CEBPA: variants seen among roughly 807,000 people sequenced by gnomAD.
CEBPA encodes the protein CCAAT enhancer binding protein alpha.
In CEBPA, 2 loss-of-function variants were observed where a neutral mutation model predicts 5.1. That is an observed-to-expected ratio of 0.39 (90% confidence interval 0.16 to 1.23). The LOEUF (loss-of-function observed/expected upper bound fraction) is 1.23. CEBPA is among the 50% of genes most tolerant of loss of function. The pLI is 0.34. For missense variants in CEBPA, 455 were observed against 537.4 expected (o/e 0.85, Z 1.52); for synonymous variants, 275 against 264.1 (o/e 1.04, Z -0.40).
chr19:33,300,115 G>C lies in CEBPA; in HGVS notation c.*1223C>G. 1 of 233,378 alleles carries C rather than the reference G, an allele frequency of 4.3e-6. No individual in the cohort carries two copies. The highest frequency in any genetic ancestry group is 8.5e-6 in the Non-Finnish European group (1 of 118,072). The allele number at this position is 233,378 out of a possible 1,614,324, so 14.5% of individuals were successfully genotyped here. A position where few individuals can be genotyped will look rare whatever the true frequency, so the allele number is the denominator to read the frequency against. On this transcript the variant is annotated 3_prime_UTR_variant, in exon 1 of 1. Transcript: ENST00000498907. ...AGGGCCTCTGGGGGACAAGCCTTGT[G>C]GGCAGCCCAGGCCGGAGGGGCTGGG...
chr19:33,301,811 CCAGGTGCGCGGGCGGCGGGTGCGGGTG>C lies in CEBPA; in HGVS notation c.577_603del (p.His193_Leu201del). 1.6e-6 allele frequency: 2 copies of C among 1,249,080 alleles called. No homozygotes were observed. Among genetic ancestry groups the C allele is most frequent in the Admixed American group, 4.4e-5 (1 of 22,888 alleles). The allele number at this position is 1,249,080 out of a possible 1,614,324, so 77.4% of individuals were successfully genotyped here. On this transcript the variant is annotated inframe_deletion, in exon 1 of 1. Transcript: ENST00000498907. The surrounding 1 kb of genome is among the most constrained non-coding windows in gnomAD (Gnocchi z 6.0). ...ATCTGGAACTGCAGGTGCGGGGCGG[CCAGGTGCGCGGGCGGCGGGTGCGGGTG>C]CGGGTGCGAGGGCGGCGGCGGCGGC...
rs1568419736 is a variant in CEBPA at position 33,301,822 on chromosome 19, G to A, written c.593C>T (p.Pro198Leu). The A allele has an allele frequency of 1.6e-6, 2 of 1,263,662 alleles. No homozygotes were observed. The highest frequency in any genetic ancestry group is 9.9e-7 in the Non-Finnish European group (1 of 1,006,924). The allele number at this position is 1,263,662 out of a possible 1,614,324, so 78.3% of individuals were successfully genotyped here. The change falls in exon 1 of 1, where the codon CCC becomes CTC. Residue 198 changes from proline (P) to leucine (L), a missense_variant. By Grantham distance (98) the Pro-to-Leu change is moderately conservative. Around this residue, in one of 5 missense-constraint regions of CEBPA, gnomAD observed 141 missense variants for 124.1 expected, o/e 1.14. Coordinates refer to ENST00000498907, the MANE Select transcript of CEBPA (RefSeq NM_004364.5). This position sits in a 1 kb window ranked among gnomAD's most constrained non-coding sequence, Gnocchi z 6.0. Reference sequence around the variant, plus strand: ...CAGGTGCGGGGCGGCCAGGTGCGCGGGCGGCGGGTGCGGGTGCGGGTGCGA... The same window carrying A: ...CAGGTGCGGGGCGGCCAGGTGCGCGAGCGGCGGGTGCGGGTGCGGGTGCGA... ...PPSHPHPHPP[P>L]AHLAAPHLQF...
In CEBPA at chr19:33,302,058, G is replaced by A. The variant is rs1600023390; in HGVS notation, c.357C>T (p.Val119=). The change falls in exon 1 of 1, where the codon GTC becomes GTT. Residue 119 remains valine, a synonymous_variant. Transcript: ENST00000498907. ...GGGGCCCGTGCGCTCCCCCGGGCAT[G>A]ACGGCGCCGCCGGGGCCCGCGGGCG... The part of the protein sequence containing the change: ...PGAPAGPGGA[V]MPGGAHGPPP... The A allele has an allele frequency of 1.6e-6, 2 of 1,214,700 alleles. No homozygotes were observed. Among genetic ancestry groups the A allele is most frequent in the African/African-American group, 1.6e-5 (1 of 62,566 alleles). The allele number at this position is 1,214,700 out of a possible 1,614,324, so 75.2% of individuals were successfully genotyped here. A position where few individuals can be genotyped will look rare whatever the true frequency, so the allele number is the denominator to read the frequency against.
rs991316142 is a variant in CEBPA, at chr19:33,301,252, G to A, written c.*86C>T. ...CTCCTAGTCCTGGCTCGCACGGCTCGGGCAAGCCTCGAGATCCGGCGACCC... is the reference window on the plus strand; with the variant it reads ...CTCCTAGTCCTGGCTCGCACGGCTCAGGCAAGCCTCGAGATCCGGCGACCC... On this transcript the variant is annotated 3_prime_UTR_variant, in exon 1 of 1. Coordinates refer to ENST00000498907, the MANE Select transcript of CEBPA (RefSeq NM_004364.5). The surrounding 1 kb of genome is among the most constrained non-coding windows in gnomAD (Gnocchi z 6.0). 9 of 1,484,332 alleles carry A rather than the reference G, an allele frequency of 6.1e-6. No individual in the cohort carries two copies. The highest frequency in any genetic ancestry group is 4.3e-5 in the Admixed American group (2 of 46,066). The allele number at this position is 1,484,332 out of a possible 1,614,324, so 91.9% of individuals were successfully genotyped here.
In CEBPA at chr19:33,302,079, G is replaced by C; in HGVS notation, c.336C>G (p.Pro112=). Residue 112 remains proline, a synonymous_variant, in exon 1 of 1, where the codon CCC becomes CCG. Coordinates refer to ENST00000498907, the MANE Select transcript of CEBPA (RefSeq NM_004364.5). ...GGGDFDYPGA[P]AGPGGAVMPG... ...GCATGACGGCGCCGCCGGGGCCCGCGGGCGCGCCCGGGTAGTCAAAGTCGC... is the reference window on the plus strand; with the variant it reads ...GCATGACGGCGCCGCCGGGGCCCGCCGGCGCGCCCGGGTAGTCAAAGTCGC... 8.0e-7 allele frequency: 1 copy of C among 1,249,264 alleles called. No homozygotes were observed. The highest frequency in any genetic ancestry group is 1.0e-6 in the Non-Finnish European group (1 of 991,500). The allele number at this position is 1,249,264 out of a possible 1,614,324, so 77.4% of individuals were successfully genotyped here.
In CEBPA at chr19:33,302,480, G is replaced by A. The variant is rs978574158; in HGVS notation, c.-66C>T. On this transcript the variant is annotated 5_prime_UTR_variant, in exon 1 of 1. Coordinates refer to ENST00000498907, the MANE Select transcript of CEBPA (RefSeq NM_004364.5). Reference sequence around the variant, plus strand: ...CCTCCAGCCTGCGCGGGGCGTCGCCGCCGCCCACCCGGAGACCCTGCTCGC... The same window carrying A: ...CCTCCAGCCTGCGCGGGGCGTCGCCACCGCCCACCCGGAGACCCTGCTCGC... 8 of 1,089,762 alleles carry A rather than the reference G, an allele frequency of 7.3e-6. No individual in the cohort carries two copies. The highest frequency in any genetic ancestry group is 8.7e-5 in the Admixed American group (2 of 22,950). The allele number at this position is 1,089,762 out of a possible 1,614,324, so 67.5% of individuals were successfully genotyped here.
chr19:33,301,193 C>A lies in CEBPA; in HGVS notation c.*145G>T, dbSNP rs187751931. On this transcript the variant is annotated 3_prime_UTR_variant, in exon 1 of 1. Coordinates refer to ENST00000498907, the MANE Select transcript of CEBPA (RefSeq NM_004364.5). This position sits in a 1 kb window ranked among gnomAD's most constrained non-coding sequence, Gnocchi z 6.0. ...GGCGCAGAGGAAGGGAGGGGACACG[C>A]GGAGCAGGCCAGGCTTTCAGGAGGC... 5.6e-5 allele frequency: 75 copies of A among 1,341,646 alleles called. No individual in the cohort carries two copies. In the African/African-American group the frequency reaches 1.0e-3, roughly 18 times the overall value. 83.1% of individuals were successfully genotyped at this position (1,341,646 alleles called of 1,614,324 possible).
At position 33,301,310 on chromosome 19, in the gene CEBPA, G is replaced by C. The variant is rs750194212; in HGVS notation, c.*28C>G. 1 of 1,563,542 alleles carries C rather than the reference G, an allele frequency of 6.4e-7. No individual in the cohort carries two copies. Among genetic ancestry groups the C allele is most frequent in the Admixed American group, 1.8e-5 (1 of 54,104 alleles). ...CTCCCTGGGTCCCCGCCGGAGGCTG[G>C]CCCAGGGCGGTCCCACAGCCGCGCG... On this transcript the variant is annotated 3_prime_UTR_variant, in exon 1 of 1. Transcript: ENST00000498907. The surrounding 1 kb of genome is among the most constrained non-coding windows in gnomAD (Gnocchi z 6.0).
Position 33,301,400 on chromosome 19 carries a change from G to T in CEBPA, c.1015C>A (p.Arg339=). Residue 339 remains arginine, a synonymous_variant, in exon 1 of 1, where the codon CGG becomes AGG. Coordinates refer to ENST00000498907, the MANE Select transcript of CEBPA (RefSeq NM_004364.5). This position sits in a 1 kb window ranked among gnomAD's most constrained non-coding sequence, Gnocchi z 6.0. ...EQLSRELDTL[R]GIFRQLPESS... ...TCTGGCAGCTGGCGGAAGATGCCCCGCAGCGTGTCCAGTTCGCGGCTCAGC... is the reference window on the plus strand; with the variant it reads ...TCTGGCAGCTGGCGGAAGATGCCCCTCAGCGTGTCCAGTTCGCGGCTCAGC... 6.2e-7 allele frequency: 1 copy of T among 1,610,348 alleles called. No individual in the cohort carries two copies. Among genetic ancestry groups the T allele is most frequent in the South Asian group, 1.1e-5 (1 of 91,016 alleles).
Position 33,301,393 on chromosome 19 carries a change from A to G in CEBPA, c.1022T>C (p.Ile341Thr). Residue 341 changes from isoleucine (I) to threonine (T), a missense_variant, in exon 1 of 1, where the codon ATC becomes ACC. Coordinates refer to ENST00000498907, the MANE Select transcript of CEBPA (RefSeq NM_004364.5). The surrounding 1 kb of genome is among the most constrained non-coding windows in gnomAD (Gnocchi z 6.0). ...LSRELDTLRGIFRQLPESSLV... is the reference protein window; with the variant it reads ...LSRELDTLRGTFRQLPESSLV... ...GGAGCTCTCTGGCAGCTGGCGGAAG[A>G]TGCCCCGCAGCGTGTCCAGTTCGCG... 1 of 1,609,878 alleles carries G rather than the reference A, an allele frequency of 6.2e-7. No individual in the cohort carries two copies. Among genetic ancestry groups the G allele is most frequent in the Non-Finnish European group, 8.5e-7 (1 of 1,179,588 alleles).
chr19:33,301,801 TGCGGGGCGGCCAGGTGC>T lies in CEBPA; in HGVS notation c.597_613del (p.His200ProfsTer115). 1 of 1,236,304 alleles carries T rather than the reference TGCGGGGCGGCCAGGTGC, an allele frequency of 8.1e-7. No individual in the cohort carries two copies. The highest frequency in any genetic ancestry group is 2.7e-5 in the South Asian group (1 of 36,504). The allele number at this position is 1,236,304 out of a possible 1,614,324, so 76.6% of individuals were successfully genotyped here. A position where few individuals can be genotyped will look rare whatever the true frequency, so the allele number is the denominator to read the frequency against. On this transcript the variant is annotated frameshift_variant, in exon 1 of 1. Coordinates refer to ENST00000498907, the MANE Select transcript of CEBPA (RefSeq NM_004364.5). LOFTEE classifies it low-confidence loss of function (END_TRUNC). This position sits in a 1 kb window ranked among gnomAD's most constrained non-coding sequence, Gnocchi z 6.0. ...GCAGTGCGCGATCTGGAACTGCAGG[TGCGGGGCGGCCAGGTGC>T]GCGGGCGGCGGGTGCGGGTGCGGGT...
rs1181818523 is a variant in CEBPA, at chr19:33,301,380, C to T, written c.1035G>A (p.Leu345=). 2 of 1,608,018 alleles carry T rather than the reference C, an allele frequency of 1.2e-6. No homozygotes were observed. Among genetic ancestry groups the T allele is most frequent in the African/African-American group, 1.3e-5 (1 of 75,052 alleles). ...TGGCCTTGACCAAGGAGCTCTCTGG[C>T]AGCTGGCGGAAGATGCCCCGCAGCG... is the stretch of plus-strand genomic sequence containing the variant. ...LDTLRGIFRQ[L]PESSLVKAMG... Residue 345 remains leucine (L), a synonymous_variant, in exon 1 of 1, where the codon CTG becomes CTA. Coordinates refer to ENST00000498907, the MANE Select transcript of CEBPA (RefSeq NM_004364.5). This position sits in a 1 kb window ranked among gnomAD's most constrained non-coding sequence, Gnocchi z 6.0.
chr19:33,301,136 C>G lies in CEBPA; in HGVS notation c.*202G>C. The stretch of plus-strand genomic sequence containing the variant: ...CCCTCCTCGCAGGGAGAAGCCACCG[C>G]CTGGCCCCCTCATCTTAGACGCACC... On this transcript the variant is annotated 3_prime_UTR_variant, in exon 1 of 1. Transcript: ENST00000498907. The surrounding 1 kb of genome is among the most constrained non-coding windows in gnomAD (Gnocchi z 6.0). 3.4e-6 allele frequency: 3 copies of G among 888,360 alleles called. No individual in the cohort carries two copies. Among genetic ancestry groups the G allele is most frequent in the Non-Finnish European group, 5.0e-6 (3 of 602,294 alleles). 55.0% of individuals were successfully genotyped at this position (888,360 alleles called of 1,614,324 possible).
Position 33,301,262 on chromosome 19 carries a change from C to T in CEBPA, c.*76G>A, listed in dbSNP as rs1244167458. ...TGGCTCGCACGGCTCGGGCAAGCCT[C>T]GAGATCCGGCGACCCCAAACCACTC... On this transcript the variant is annotated 3_prime_UTR_variant, in exon 1 of 1. Transcript: ENST00000498907. The surrounding 1 kb of genome is among the most constrained non-coding windows in gnomAD (Gnocchi z 6.0). The T allele has an allele frequency of 1.3e-6, 2 of 1,494,428 alleles. No individual in the cohort carries two copies. The highest frequency in any genetic ancestry group is 1.8e-6 in the Non-Finnish European group (2 of 1,124,842). The allele number at this position is 1,494,428 out of a possible 1,614,324, so 92.6% of individuals were successfully genotyped here. A position where few individuals can be genotyped will look rare whatever the true frequency, so the allele number is the denominator to read the frequency against.
At position 33,301,427 on chromosome 19, in the gene CEBPA, G is replaced by T; in HGVS notation, c.988C>A (p.Gln330Lys). ...DNDRLRKRVE[Q>K]LSRELDTLRG... The stretch of plus-strand genomic sequence containing the variant: ...AGCGTGTCCAGTTCGCGGCTCAGCT[G>T]TTCCACCCGCTTGCGCAGGCGGTCA... The change falls in exon 1 of 1, where the codon CAG becomes AAG. Residue 330 changes from glutamine (Q) to lysine (K), a missense_variant. By Grantham distance (53) the Gln-to-Lys change is moderately conservative. Transcript: ENST00000498907. This position sits in a 1 kb window ranked among gnomAD's most constrained non-coding sequence, Gnocchi z 6.0. 6.2e-7 allele frequency: 1 copy of T among 1,612,394 alleles called. No individual in the cohort carries two copies.
Position 33,302,138 on chromosome 19 carries a change from C to A in CEBPA, c.277G>T (p.Ala93Ser). The A allele has an allele frequency of 7.1e-7, 1 of 1,407,166 alleles. No homozygotes were observed. The highest frequency in any genetic ancestry group is 9.4e-7 in the Non-Finnish European group (1 of 1,069,384). The allele number at this position is 1,407,166 out of a possible 1,614,324, so 87.2% of individuals were successfully genotyped here. The change falls in exon 1 of 1, where the codon GCG becomes TCG. Residue 93 changes from alanine (A) to serine (S), a missense_variant. By Grantham distance (99) the Ala-to-Ser change is moderately conservative. Coordinates refer to ENST00000498907, the MANE Select transcript of CEBPA (RefSeq NM_004364.5). ...CCGCCGCCCGTGGGGCCCACGGCCG[C>A]CTTGGCCTTCTCCTGCTGCCGGCTG... ...QHSRQQEKAKAAVGPTGGGGG... is the reference protein window; with the variant it reads ...QHSRQQEKAKSAVGPTGGGGG...
Position 33,301,914 on chromosome 19 carries a change from C to T in CEBPA, c.501G>A (p.Glu167=), listed in dbSNP as rs1277875501. 54 of 1,304,660 alleles carry T rather than the reference C, an allele frequency of 4.1e-5. No individual in the cohort carries two copies. The highest frequency in any genetic ancestry group is 4.7e-5 in the Non-Finnish European group (48 of 1,021,612). 80.8% of individuals were successfully genotyped at this position (1,304,660 alleles called of 1,614,324 possible). A position where few individuals can be genotyped will look rare whatever the true frequency, so the allele number is the denominator to read the frequency against. ...CCAGCGCCAGCTGCTTGGCTTCATC[C>T]TCCTCGCGGGGCTCCTGCTTGATCA... ...PLVIKQEPRE[E]DEAKQLALAG... Residue 167 remains glutamate (E), a synonymous_variant, in exon 1 of 1, where the codon GAG becomes GAA. Coordinates refer to ENST00000498907, the MANE Select transcript of CEBPA (RefSeq NM_004364.5). The surrounding 1 kb of genome is among the most constrained non-coding windows in gnomAD (Gnocchi z 6.0).
chr19:33,302,292 C>A lies in CEBPA; in HGVS notation c.123G>T (p.Gln41His). Residue 41 changes from glutamine (Q) to histidine (H), a missense_variant, in exon 1 of 1, where the codon CAG (glutamine) becomes CAT (histidine). Around this residue, in one of 5 missense-constraint regions of CEBPA, gnomAD observed 143 missense variants for 153.9 expected, o/e 0.93. Coordinates refer to ENST00000498907, the MANE Select transcript of CEBPA (RefSeq NM_004364.5). ...CCGGGGCGGCAGGTGGGGCGGGAGG[C>A]TGCGCGGGGCCCGCGCCCCGGGGAA... ...FGFPRGAGPA[Q>H]PPAPPAAPEP... 1 of 1,470,848 alleles carries A rather than the reference C, an allele frequency of 6.8e-7. No individual in the cohort carries two copies. The highest frequency in any genetic ancestry group is 9.0e-7 in the Non-Finnish European group (1 of 1,106,746). The allele number at this position is 1,470,848 out of a possible 1,614,324, so 91.1% of individuals were successfully genotyped here.
At position 33,302,490 on chromosome 19, in the gene CEBPA, C is replaced by T. The variant is rs1182125567; in HGVS notation, c.-76G>A. On this transcript the variant is annotated 5_prime_UTR_variant, in exon 1 of 1. Coordinates refer to ENST00000498907, the MANE Select transcript of CEBPA (RefSeq NM_004364.5). The stretch of plus-strand genomic sequence containing the variant: ...GCGCGGGGCGTCGCCGCCGCCCACC[C>T]GGAGACCCTGCTCGCCCGCGCCCGC... 16 of 1,003,822 alleles carry T rather than the reference C, an allele frequency of 1.6e-5. No individual in the cohort carries two copies. The South Asian group carries it at 7.1e-4, about 44-fold the overall frequency. The allele number at this position is 1,003,822 out of a possible 1,614,324, so 62.2% of individuals were successfully genotyped here. A position where few individuals can be genotyped will look rare whatever the true frequency, so the allele number is the denominator to read the frequency against.
Sources: gnomAD v4.1 joint callset for allele counts on GRCh38, gnomAD v4.1.1 for gene constraint, gnomAD v4.1.1 regional missense constraint, Gnocchi (gnomAD v3.1) non-coding constraint, MANE v1.5 for transcripts, NCBI Gene and HGNC (gene_info 2026-07-23, HGNC 2026-07-21) for gene names.